The following PWWP2A variants were observed in gnomAD, a reference collection of about 807,000 sequenced individuals.
PWWP2A encodes PWWP domain containing 2A.
Under a neutral mutation model 48.5 loss-of-function variants are expected in PWWP2A, and 18 were observed. The observed-to-expected ratio is 0.37, with a 90% CI of 0.26 to 0.55. The LOEUF (loss-of-function observed/expected upper bound fraction) is 0.55. Ranked by LOEUF, PWWP2A falls within the 20% of genes least tolerant of loss-of-function variation. The probability of loss-of-function intolerance (pLI) is 0.81; values close to 1 mark genes in which losing one functional copy is unlikely to be tolerated. For missense variants in PWWP2A, 867 were observed against 976.4 expected, an observed-to-expected ratio of 0.89 and a Z score of 1.49; for synonymous variants, 396 against 387.7, an observed-to-expected ratio of 1.02 and a Z score of -0.25.
At chr5:160,116,868 G>A in intron 1 of PWWP2A, 1 of 627,442 alleles carries the variant, frequency 1.6e-6, no homozygotes, top group Non-Finnish European at 2.0e-6. Flanking sequence ...CAAGGTGGGT[G>A]GATCACCTGA....
rs151332388 is a variant in PWWP2A at position 160,091,959 on chromosome 5, CAT to C, written c.*421_*422del. 113 of 939,110 alleles carry C rather than the reference CAT, an allele frequency of 1.2e-4. No homozygotes were observed. Among genetic ancestry groups the C allele is most frequent in the Middle Eastern group, 5.6e-4 (1 of 1,798 alleles). 58.2% of individuals were successfully genotyped at this position (939,110 alleles called of 1,614,324 possible). Reference sequence around the variant, plus strand: ...TGTCACACAGTGACAGGCTGTATTTCATATATATATATGTGTATATATACATA... The same window carrying C: ...TGTCACACAGTGACAGGCTGTATTTCATATATATATGTGTATATATACATA... On this transcript the variant is annotated 3_prime_UTR_variant, in exon 2 of 2. Coordinates refer to ENST00000307063, the MANE Select transcript of PWWP2A (RefSeq NM_001130864.2).
chr5:160,059,058 C>G (rs1757626906), downstream of PWWP2A, among the ~76,000 whole-genome samples: 1 of 152,212 alleles, frequency 6.6e-6, no homozygotes, highest in African/African-American at 2.4e-5. Context: ...TAAATGAGCA[C>G]TGGCCTCAAC....
At chr5:160,090,447 A>C (rs921488438), downstream of PWWP2A, 52 of 981,734 alleles carry the variant, frequency 5.3e-5, no homozygotes, top group African/African-American at 3.5e-5. Flanking sequence ...ATAGTTCCTT[A>C]TAACTTCTCA....
At chr5:160,057,125 A>G (rs1231904776), downstream of PWWP2A, among the ~76,000 whole-genome samples, 2 of 152,244 alleles carry the variant, frequency 1.3e-5, no homozygotes, top group Non-Finnish European at 1.5e-5. The surrounding 1 kb of genome is among the most constrained non-coding windows in gnomAD (Gnocchi z 4.4). Context: ...AGAGAATATC[A>G]GTAGCTTTTC....
chr5:160,049,855 A>T, the PWWP2A span, among the ~76,000 whole-genome samples: 1 of 151,904 alleles, frequency 6.6e-6, no homozygotes, highest in African/African-American at 2.4e-5. Flanking sequence ...AGGAGGAGAG[A>T]TCACTTGAGG....
chr5:160,107,249 C>T (rs1247565262), intron 1 of PWWP2A, among the ~76,000 whole-genome samples: 1 of 152,212 alleles, frequency 6.6e-6, no homozygotes, highest in Non-Finnish European at 1.5e-5. Flanking sequence ...ATCAGAATCA[C>T]TTTGTTTAAA....
chr5:160,094,515 A>G (rs1210455966), intron 1 of PWWP2A, among the ~76,000 whole-genome samples: 1 of 152,234 alleles, frequency 6.6e-6, no homozygotes, highest in Non-Finnish European at 1.5e-5. Flanking sequence ...TTAACTATCC[A>G]AAACTACTTA....
downstream of PWWP2A, among the ~76,000 whole-genome samples, chr5:160,060,323 T>G (rs10074960): frequency 6.6e-6 from 1 of 151,652 alleles, no homozygotes; most frequent in East Asian, 1.9e-4. Context: ...TCAATTGGGT[T>G]ATGGTGATAT....
Position 160,119,226 on chromosome 5 carries a change from C to A in PWWP2A, c.163G>T (p.Asp55Tyr). 1 of 1,437,104 alleles carries A rather than the reference C, an allele frequency of 7.0e-7. No homozygotes were observed. The highest frequency in any genetic ancestry group is 3.1e-5 in the Admixed American group (1 of 31,864). The allele number at this position is 1,437,104 out of a possible 1,614,324, so 89.0% of individuals were successfully genotyped here. A position where few individuals can be genotyped will look rare whatever the true frequency, so the allele number is the denominator to read the frequency against. The change falls in exon 1 of 2, where the codon GAC becomes TAC. Residue 55 changes from aspartate (D) to tyrosine (Y), a missense_variant. Coordinates refer to ENST00000307063, the MANE Select transcript of PWWP2A (RefSeq NM_001130864.2). The stretch of plus-strand genomic sequence containing the variant: ...GCCTGAGGAGCGGATTGCTGCCCGT[C>A]AGTCTCGCCATCCGGCACAGACGCT... ...TEASVPDGET[D>Y]GQQSAPQADE...
rs1033859752 is a variant in PWWP2A, at chr5:160,119,419, C to T, written c.-31G>A. ...TCCTAGCTTCTCCCTCCTCCAACTCCGGCTGCAGCGGCGGCGGCGACAGCG... is the reference window on the plus strand; with the variant it reads ...TCCTAGCTTCTCCCTCCTCCAACTCTGGCTGCAGCGGCGGCGGCGACAGCG... On this transcript the variant is annotated 5_prime_UTR_variant, in exon 1 of 2. Coordinates refer to ENST00000307063, the MANE Select transcript of PWWP2A (RefSeq NM_001130864.2). 10 of 1,353,450 alleles carry T rather than the reference C, an allele frequency of 7.4e-6. No homozygotes were observed. The highest frequency in any genetic ancestry group is 3.1e-5 in the East Asian group (1 of 32,138). 83.8% of individuals were successfully genotyped at this position (1,353,450 alleles called of 1,614,324 possible).
At chr5:160,096,362 T>TA (rs1247428861) in intron 1 of PWWP2A, among the ~76,000 whole-genome samples, 1 of 152,216 alleles carries the variant, frequency 6.6e-6, no homozygotes, top group East Asian at 1.9e-4. Flanking sequence ...TCCTGACTAC[T>TA]TAACTCAAAG....
At chr5:160,084,329 A>T (rs1400532999) in intron 2 of PWWP2A, among the ~76,000 whole-genome samples, 1 of 152,244 alleles carries the variant, frequency 6.6e-6, no homozygotes. Flanking sequence ...AATCCAGCAA[A>T]TCTGGCTCAA....
chr5:160,089,201 G>A (rs1335514423), downstream of PWWP2A, among the ~76,000 whole-genome samples: 3 of 151,700 alleles, frequency 2.0e-5, no homozygotes, highest in South Asian at 6.2e-4. Context: ...GATATATAGG[G>A]TTTTTTTTCA....
chr5:160,050,505 G>A, the PWWP2A span, among the ~76,000 whole-genome samples: 4 of 151,720 alleles, frequency 2.6e-5, no homozygotes, highest in Admixed American at 6.6e-5. Context: ...ATATAGCACT[G>A]TAAACATCTG....
intron 1 of PWWP2A, among the ~76,000 whole-genome samples, chr5:160,106,470 A>T (rs1756903923): frequency 6.6e-6 from 1 of 152,136 alleles, no homozygotes; most frequent in South Asian, 2.1e-4. Context: ...AGAAAGTAAA[A>T]CTTGGCAACC....
the PWWP2A span, among the ~76,000 whole-genome samples, chr5:160,054,328 A>G: frequency 2.0e-5 from 3 of 152,226 alleles, no homozygotes. Flanking sequence ...CTGGGAAAAA[A>G]GTTGGCTGGG....
At position 160,119,360 on chromosome 5, in the gene PWWP2A, G is replaced by T. The variant is rs1758489165; in HGVS notation, c.29C>A (p.Ala10Glu). Residue 10 changes from alanine (A) to glutamate (E), a missense_variant, in exon 1 of 2, where the codon GCG becomes GAG. Coordinates refer to ENST00000307063, the MANE Select transcript of PWWP2A (RefSeq NM_001130864.2). ...CCCCTCCCCGGGGGACGCTGCAGTC[G>T]CTGCCGCCTCTGCAGCCACGGCCGC... Reference protein sequence around the residue: MAAVAAEAAATAASPGEGGA... With the variant: MAAVAAEAAETAASPGEGGA... 1 of 1,382,100 alleles carries T rather than the reference G, an allele frequency of 7.2e-7. No homozygotes were observed. Among genetic ancestry groups the T allele is most frequent in the Non-Finnish European group, 9.3e-7 (1 of 1,074,644 alleles). The allele number at this position is 1,382,100 out of a possible 1,614,324, so 85.6% of individuals were successfully genotyped here.
intron 1 of PWWP2A, chr5:160,117,753 G>T: frequency 3.2e-6 from 1 of 311,276 alleles, no homozygotes; most frequent in Non-Finnish European, 4.7e-6. Flanking sequence ...ATTTTAAATG[G>T]CTTTTTTCCC....
At chr5:160,081,638 T>A (rs58275102) in intron 2 of PWWP2A, among the ~76,000 whole-genome samples, 1,939 of 152,328 alleles carry the variant, frequency 0.013, 46 homozygotes, top group African/African-American at 0.044. Flanking sequence ...GACCTAAATT[T>A]ACTGTGTGAG....
Sources: gnomAD v4.1 joint callset for allele counts (sites outside exome capture counted in the v4.1 genomes callset) on GRCh38, gnomAD v4.1.1 for gene constraint, Gnocchi (gnomAD v3.1) non-coding constraint, MANE v1.5 for transcripts, NCBI Gene and HGNC (gene_info 2026-07-23, HGNC 2026-07-21) for gene names.